The following IGSF10 variants were observed in gnomAD, a reference collection of about 807,000 sequenced individuals.
IGSF10 encodes calvaria mechanical force protein 608.
IGSF10 carries 126 observed loss-of-function variants against 128.2 expected under a neutral mutation model. That is an observed-to-expected ratio of 0.98 (90% CI 0.85 to 1.14). The LOEUF (loss-of-function observed/expected upper bound fraction) is 1.14, where lower values mean the gene tolerates loss of function less well. IGSF10 is among the 50% of genes most tolerant of loss of function. The probability of loss-of-function intolerance (pLI) is 0.00; values close to 1 mark genes in which losing one functional copy is unlikely to be tolerated. For missense variants in IGSF10, 3,295 were observed against 3,149.8 expected (o/e 1.05, Z -1.10); for synonymous variants, 1,185 against 1,146.2 (o/e 1.03, Z -0.68).
intron 5 of IGSF10, among the ~76,000 whole-genome samples, chr3:151,452,040 CTG>C (rs1178676156): frequency 1.3e-5 from 2 of 152,148 alleles, no homozygotes; most frequent in Non-Finnish European, 2.9e-5. Flanking sequence ...CCATGAACAA[CTG>C]TCGAATCTCT....
At chr3:151,554,195 ACTT>A in the IGSF10 span, among the ~76,000 whole-genome samples, 9 of 151,806 alleles carry the variant, frequency 5.9e-5, no homozygotes, top group African/African-American at 2.2e-4. Context: ...TTAGACATGA[ACTT>A]CTTCTTCCTA....
chr3:151,473,364 A>G, the IGSF10 span, among the ~76,000 whole-genome samples: 1 of 152,166 alleles, frequency 6.6e-6, no homozygotes, highest in African/African-American at 2.4e-5. Flanking sequence ...ACTATTATTG[A>G]TATTCTAAAC....
At chr3:151,493,615 T>C in the IGSF10 span, among the ~76,000 whole-genome samples, 1 of 152,168 alleles carries the variant, frequency 6.6e-6, no homozygotes, top group African/African-American at 2.4e-5. Context: ...GTATTCTTTG[T>C]AGCCTACAAG....
At position 151,445,249 on chromosome 3, in the gene IGSF10, T is replaced by G. The variant is rs1307318304; in HGVS notation, c.4732A>C (p.Lys1578Gln). ...TTTTCAGCAATTTCTGAGTATGGTT[T>G]GTGCCAAAATTGGTTTTCTGCCCAG... ...SPWAENQFWH[K>Q]PYSEIAEKGK... The change falls in exon 6 of 8, where the codon AAA (lysine) becomes CAA (glutamine). Residue 1578 changes from lysine to glutamine, a missense_variant. Lys to Gln is a moderately conservative substitution (Grantham distance 53). Coordinates refer to ENST00000282466, the MANE Select transcript of IGSF10 (RefSeq NM_178822.5). The G allele has an allele frequency of 6.2e-7, 1 of 1,614,236 alleles. No homozygotes were observed. Among genetic ancestry groups the G allele is most frequent in the Non-Finnish European group, 8.5e-7 (1 of 1,180,036 alleles).
chr3:151,595,080 G>C, the IGSF10 span, among the ~76,000 whole-genome samples: 1 of 152,094 alleles, frequency 6.6e-6, no homozygotes. Context: ...CCTCACACCT[G>C]TTAGAATGGT....
At chr3:151,464,442 A>G (rs928618749), upstream of IGSF10, among the ~76,000 whole-genome samples, 2 of 152,028 alleles carry the variant, frequency 1.3e-5, no homozygotes, top group Admixed American at 1.3e-4. Context: ...AGTAATTACT[A>G]CTTCTTACTC....
chr3:151,597,021 A>C, the IGSF10 span, among the ~76,000 whole-genome samples: 5 of 151,054 alleles, frequency 3.3e-5, no homozygotes, highest in African/African-American at 1.2e-4. Flanking sequence ...TTTTTTTTTC[A>C]GTAAATAAAT....
At chr3:151,551,866 A>T in the IGSF10 span, among the ~76,000 whole-genome samples, 2 of 152,164 alleles carry the variant, frequency 1.3e-5, no homozygotes, top group Non-Finnish European at 1.5e-5. Flanking sequence ...ATATGGAAAA[A>T]ACTAGGAATT....
chr3:151,438,292 C>T lies in IGSF10; in HGVS notation c.6269G>A (p.Gly2090Asp), dbSNP rs776651746. ...INNAMQADDS[G>D]HRTRRYTLFN... ...AAGGGTATATCTCCTAGTCCTGTGG[C>T]CACTGTCATCGGCTTGCATTGCATT... The change falls in exon 8 of 8, where the codon GGC becomes GAC. Residue 2090 changes from glycine to aspartate, a missense_variant. Physicochemically the swap from Gly to Asp is moderately conservative, Grantham distance 94. Transcript: ENST00000282466. The T allele has an allele frequency of 6.2e-7, 1 of 1,614,168 alleles. No individual in the cohort carries two copies. The highest frequency in any genetic ancestry group is 1.1e-5 in the South Asian group (1 of 91,088).
the IGSF10 span, among the ~76,000 whole-genome samples, chr3:151,549,990 C>G: frequency 6.6e-6 from 1 of 151,732 alleles, no homozygotes; most frequent in Non-Finnish European, 1.5e-5. Context: ...TAAGAGAGAC[C>G]TTGGTTTAAG....
the IGSF10 span, among the ~76,000 whole-genome samples, chr3:151,578,250 A>G: frequency 6.6e-6 from 1 of 152,322 alleles, no homozygotes; most frequent in South Asian, 2.1e-4. Flanking sequence ...GTGTAAGACA[A>G]GGATTGGCAA....
In IGSF10 at chr3:151,446,841, G is replaced by C. The variant is rs868743591; in HGVS notation, c.3140C>G (p.Ser1047Cys). Residue 1047 changes from serine to cysteine, a missense_variant, in exon 6 of 8, where the codon TCT becomes TGT. Transcript: ENST00000282466. ...SIFRSTTRGS[S>C]EKSTTAFSAT... Reference sequence around the variant, plus strand: ...TGAGAATGCAGTAGTGCTTTTTTCAGAAGAACCTCTGGTTGTTGACCTGAA... The same window carrying C: ...TGAGAATGCAGTAGTGCTTTTTTCACAAGAACCTCTGGTTGTTGACCTGAA... The C allele has an allele frequency of 1.4e-5, 23 of 1,614,030 alleles. No homozygotes were observed. Among genetic ancestry groups the C allele is most frequent in the Non-Finnish European group, 1.9e-5 (23 of 1,180,024 alleles).
chr3:151,607,804 A>G, the IGSF10 span, among the ~76,000 whole-genome samples: 2 of 150,562 alleles, frequency 1.3e-5, no homozygotes, highest in Non-Finnish European at 1.5e-5. Context: ...CCAGCTACTC[A>G]GGAGGCTGAG....
At chr3:151,585,026 G>A in the IGSF10 span, among the ~76,000 whole-genome samples, 1 of 152,124 alleles carries the variant, frequency 6.6e-6, no homozygotes, top group African/African-American at 2.4e-5. Flanking sequence ...TCCTTTTAAT[G>A]ATTACTGTAA....
In IGSF10 at chr3:151,443,606, G is replaced by T. The variant is rs1288081256; in HGVS notation, c.5341C>A (p.Leu1781Ile). Residue 1781 changes from leucine to isoleucine, a missense_variant, in exon 7 of 8, where the codon CTT (leucine) becomes ATT (isoleucine). By Grantham distance (5) the Leu-to-Ile change is conservative. Coordinates refer to ENST00000282466, the MANE Select transcript of IGSF10 (RefSeq NM_178822.5). ...GRPSPTVTWI[L>I]ANQTVVSESS... The stretch of plus-strand genomic sequence containing the variant: ...TCTGAGACAACTGTTTGGTTTGCAA[G>T]AATCCAGGTAACTGTAGGGCTTGGC... 1 of 1,614,202 alleles carries T rather than the reference G, an allele frequency of 6.2e-7. No homozygotes were observed. Among genetic ancestry groups the T allele is most frequent in the Non-Finnish European group, 8.5e-7 (1 of 1,180,038 alleles).
downstream of IGSF10, chr3:151,432,966 A>C: frequency 1.8e-6 from 1 of 570,872 alleles, no homozygotes; most frequent in Non-Finnish European, 3.0e-6. Context: ...GTGTTTAAAC[A>C]AAAAGCCAAG....
the IGSF10 span, among the ~76,000 whole-genome samples, chr3:151,534,027 A>G: frequency 6.6e-6 from 1 of 152,268 alleles, no homozygotes; most frequent in Admixed American, 6.5e-5. Context: ...AAAAGAAGAC[A>G]TTTATGCAGT....
At chr3:151,564,852 T>C in the IGSF10 span, among the ~76,000 whole-genome samples, 1 of 152,036 alleles carries the variant, frequency 6.6e-6, no homozygotes, top group East Asian at 1.9e-4. Context: ...TGGTTGTAAA[T>C]AAATAGCCTA....
the IGSF10 span, among the ~76,000 whole-genome samples, chr3:151,597,991 T>C: frequency 6.6e-6 from 1 of 151,620 alleles, no homozygotes; most frequent in African/African-American, 2.4e-5. Flanking sequence ...AATTGAAATA[T>C]TTTGGTGGAA....
Sources: gnomAD v4.1 joint callset for allele counts (sites outside exome capture counted in the v4.1 genomes callset) on GRCh38, gnomAD v4.1.1 for gene constraint, MANE v1.5 for transcripts, NCBI Gene and HGNC (gene_info 2026-07-23, HGNC 2026-07-21) for gene names.